The following RAB3C variants were observed in gnomAD, a reference collection of about 807,000 sequenced individuals.
RAB3C encodes the protein ras-related protein Rab-3C.
A neutral mutation model predicts 26.4 loss-of-function variants in RAB3C; 17 were observed. That is an observed-to-expected ratio of 0.64 (90% confidence interval 0.44 to 0.97). The LOEUF is 0.97. Ranked by LOEUF, RAB3C falls within the 50% of genes least tolerant of loss-of-function variation. The pLI is 0.00. For missense variants in RAB3C, 242 were observed against 281.9 expected (o/e 0.86, Z 1.01); for synonymous variants, 91 against 95.9 (o/e 0.95, Z 0.30).
At position 58,852,482 on chromosome 5, in the gene RAB3C, C is replaced by A. The variant is rs1262465281; in HGVS notation, c.*1131C>A. On this transcript the variant is annotated 3_prime_UTR_variant, in exon 5 of 5. Coordinates refer to ENST00000282878, the MANE Select transcript of RAB3C (RefSeq NM_138453.4). ...AAGGAAAATTTTAATCTTTAATCAT[C>A]TTTTTAAGTCCAGATGTTCATAAAT... The A allele has an allele frequency of 6.6e-6, 1 of 152,132 alleles. No individual in the cohort carries two copies. Among genetic ancestry groups the A allele is most frequent in the Non-Finnish European group, 1.5e-5 (1 of 68,026 alleles). The allele number at this position is 152,132 out of a possible 1,614,324, so 9.4% of individuals were successfully genotyped here. A position where few individuals can be genotyped will look rare whatever the true frequency, so the allele number is the denominator to read the frequency against.
intron 1 of RAB3C, among the ~76,000 whole-genome samples, chr5:58,612,536 A>ATATATATATATGTATATATATATATG (rs1746734783): frequency 3.3e-4 from 32 of 96,446 alleles, no homozygotes; most frequent in South Asian, 6.8e-4. Context: ...ATATATATAT[A>ATATATATATATGTATATATATATATG]TATATATATA....
chr5:58,713,043 T>A (rs139561883), intron 2 of RAB3C, among the ~76,000 whole-genome samples: 1 of 152,258 alleles, frequency 6.6e-6, no homozygotes, highest in East Asian at 1.9e-4. Context: ...AATATAAAAT[T>A]GGATAGGGAT....
At chr5:58,617,590 G>T in intron 1 of RAB3C, 53 bp from the exon 2 acceptor site, 1 of 1,313,456 alleles carries the variant, frequency 7.6e-7, no homozygotes, top group South Asian at 1.2e-5. Context: ...CATATCAAAT[G>T]AGAGTCTGAT....
At chr5:58,754,769 C>T (rs1207657724) in intron 3 of RAB3C, among the ~76,000 whole-genome samples, 2 of 152,134 alleles carry the variant, frequency 1.3e-5, no homozygotes, top group Non-Finnish European at 2.9e-5. Flanking sequence ...AAAAGAGTAA[C>T]AAATTGTATT....
intron 2 of RAB3C, among the ~76,000 whole-genome samples, chr5:58,685,671 T>A (rs919137555): frequency 6.6e-6 from 1 of 152,190 alleles, no homozygotes; most frequent in African/African-American, 2.4e-5. Flanking sequence ...ATACAGTTGA[T>A]CATTCATTCA....
At chr5:58,592,700 G>A (rs139633980) in intron 1 of RAB3C, among the ~76,000 whole-genome samples, 155 of 152,056 alleles carry the variant, frequency 1.0e-3, no homozygotes, top group African/African-American at 3.5e-3. Context: ...AAAATTTCTT[G>A]TTGATTTTTT....
chr5:58,675,986 G>A (rs1748217127), intron 2 of RAB3C, among the ~76,000 whole-genome samples: 1 of 152,038 alleles, frequency 6.6e-6, no homozygotes, highest in Admixed American at 6.5e-5. Context: ...GAAGGGCAGG[G>A]CTTTCCTGGC....
chr5:58,855,684 T>C lies in RAB3C; in HGVS notation c.*4333T>C, dbSNP rs1561154852. On this transcript the variant is annotated 3_prime_UTR_variant, in exon 5 of 5. Transcript: ENST00000282878. ...TTTTGGGAGTTCTTCATATTTTAGGTGAATTTTTGACCAAAGTCAATTAAA... is the reference window on the plus strand; with the variant it reads ...TTTTGGGAGTTCTTCATATTTTAGGCGAATTTTTGACCAAAGTCAATTAAA... The C allele has an allele frequency of 6.6e-6, 1 of 152,322 alleles. No individual in the cohort carries two copies. Among genetic ancestry groups the C allele is most frequent in the Non-Finnish European group, 1.5e-5 (1 of 68,030 alleles). The allele number at this position is 152,322 out of a possible 1,614,324, so 9.4% of individuals were successfully genotyped here. A position where few individuals can be genotyped will look rare whatever the true frequency, so the allele number is the denominator to read the frequency against.
At chr5:58,646,214 C>T (rs146227979) in intron 2 of RAB3C, among the ~76,000 whole-genome samples, 1 of 152,130 alleles carries the variant, frequency 6.6e-6, no homozygotes, top group African/African-American at 2.4e-5. Context: ...GTTCTCATAG[C>T]GTCTTCTCTC....
chr5:58,612,070 A>C (rs770866643), intron 1 of RAB3C, among the ~76,000 whole-genome samples: 1 of 151,824 alleles, frequency 6.6e-6, no homozygotes, highest in Non-Finnish European at 1.5e-5. Flanking sequence ...TGGGTTCTCT[A>C]TTCTGTTCCA....
intron 3 of RAB3C, among the ~76,000 whole-genome samples, chr5:58,732,482 A>T (rs1292645507): frequency 6.6e-6 from 1 of 152,152 alleles, no homozygotes; most frequent in East Asian, 1.9e-4. Context: ...AGTACTAAAA[A>T]GGCCATGACT....
chr5:58,606,011 C>T (rs2111696270), intron 1 of RAB3C, among the ~76,000 whole-genome samples: 1 of 152,308 alleles, frequency 6.6e-6, no homozygotes, highest in East Asian at 1.9e-4. Flanking sequence ...TTCTGCATTT[C>T]CAACTGAGGT....
At chr5:58,795,576 G>T (rs1191336887) in intron 3 of RAB3C, among the ~76,000 whole-genome samples, 1 of 152,024 alleles carries the variant, frequency 6.6e-6, no homozygotes, top group Non-Finnish European at 1.5e-5. Flanking sequence ...ACTTCATTCT[G>T]GGTGAAGGGC....
chr5:58,804,664 C>T (rs1561135992), intron 3 of RAB3C, among the ~76,000 whole-genome samples: 1 of 144,160 alleles, frequency 6.9e-6, no homozygotes. Flanking sequence ...CAGTGGGGTG[C>T]ATATGTGTGT....
At chr5:58,654,197 C>T (rs914241770) in intron 2 of RAB3C, among the ~76,000 whole-genome samples, 45 of 152,246 alleles carry the variant, frequency 3.0e-4, no homozygotes, top group Non-Finnish European at 5.3e-4. Flanking sequence ...AGGTCCACTA[C>T]TGGACTATAA....
intron 4 of RAB3C, among the ~76,000 whole-genome samples, chr5:58,835,070 A>G (rs1743706734): frequency 6.6e-6 from 1 of 152,198 alleles, no homozygotes; most frequent in East Asian, 1.9e-4. Context: ...AGTTTGGAGA[A>G]CAAATGGTAT....
chr5:58,751,478 T>G (rs931436615), intron 3 of RAB3C, among the ~76,000 whole-genome samples: 8 of 152,132 alleles, frequency 5.3e-5, no homozygotes, highest in Non-Finnish European at 1.2e-4. Flanking sequence ...AAGCAGATTA[T>G]AGATAGATTA....
chr5:58,583,432 T>G, intron 1 of RAB3C, 200 bp downstream of exon 1: 5 of 727,616 alleles, frequency 6.9e-6, no homozygotes, highest in Non-Finnish European at 8.4e-6. Context: ...TGATGAGGGA[T>G]CGGGCTATTC....
chr5:58,700,749 A>T (rs1361291399), intron 2 of RAB3C, among the ~76,000 whole-genome samples: 1 of 152,186 alleles, frequency 6.6e-6, no homozygotes, highest in Non-Finnish European at 1.5e-5. Context: ...ACATGTATTT[A>T]AAAATAGATA....
Sources: allele counts gnomAD v4.1 joint callset (sites outside exome capture counted in the v4.1 genomes callset), GRCh38; gene constraint gnomAD v4.1.1; transcripts MANE v1.5; gene names NCBI Gene and HGNC (gene_info 2026-07-23, HGNC 2026-07-21).